Variants in CHM observed in about 807,000 individuals in gnomAD.
CHM encodes the protein rab proteins geranylgeranyltransferase component A 1.
Under a neutral mutation model 49.0 loss-of-function variants are expected in CHM, and 10 were observed. The observed-to-expected ratio is 0.20, with a 90% CI of 0.13 to 0.35. The LOEUF (loss-of-function observed/expected upper bound fraction) is 0.35. CHM is among the 10% of genes least tolerant of loss of function. CHM has a pLI of 1.00. For synonymous variants in CHM, 184 were observed against 167.5 expected (o/e 1.10, Z -0.76); for missense variants, 455 against 478.4 (o/e 0.95, Z 0.46).
intron 11 of CHM, among the ~76,000 whole-genome samples, chrX:85,895,410 T>C (rs1402634882): frequency 9.0e-6 from 1 of 110,830 alleles, no homozygotes; most frequent in Non-Finnish European, 1.9e-5. Flanking sequence ...TCCCAAAGTA[T>C]TGAGATTATA....
At chrX:85,873,255 ATGTT>A (rs1258581902) in intron 13 of CHM, 43 bp from the exon 14 acceptor site, 1 of 945,612 alleles carries the variant, frequency 1.1e-6, no homozygotes, top group Non-Finnish European at 1.5e-6. Context: ...AAAATACAAT[ATGTT>A]TGTCAATTAC....
chrX:85,897,306 CGT>C (rs533191230), intron 11 of CHM, among the ~76,000 whole-genome samples: 6,698 of 76,254 alleles, frequency 0.088, 331 homozygotes, highest in African/African-American at 0.18. Context: ...CTTGTGTGTG[CGT>C]GTGTGTGTGT....
At chrX:85,970,265 A>G (rs1050223394) in intron 4 of CHM, 7 of 751,286 alleles carry the variant, frequency 9.3e-6, no homozygotes, top group African/African-American at 2.3e-5. Context: ...CTCAACAACT[A>G]AAGAATATTG....
rs1928100828 is a variant in CHM, at chrX:85,926,665, A to T, written c.1167-15327T>A. 2.7e-5 allele frequency among the ~76,000 whole-genome samples: 3 copies of T among 111,641 alleles called. No individual in the cohort carries two copies. The Admixed American group carries it at 2.9e-4, about 11-fold the overall frequency. ...TTTCAATGCACAGCAAAAGATCAGG[A>T]AAGATACACCACAAACTGGCAAGAG... On this transcript the variant is annotated intron_variant, in intron 8 of 14. Transcript: ENST00000357749.
intron 8 of CHM, among the ~76,000 whole-genome samples, chrX:85,933,993 T>C (rs1261312976): frequency 9.1e-6 from 1 of 110,359 alleles, no homozygotes; most frequent in African/African-American, 3.3e-5. Flanking sequence ...TTTTTTTTTT[T>C]TCTTTGAGAC....
At chrX:85,979,007 A>C in intron 3 of CHM, 116 bp from the exon 4 acceptor site, 68 of 769,674 alleles carry the variant, frequency 8.8e-5, no homozygotes, top group Non-Finnish European at 1.2e-4. Flanking sequence ...ACCAAAACTC[A>C]AAGGATATCA....
chrX:86,036,142 C>T (rs1934236222), intron 1 of CHM, among the ~76,000 whole-genome samples: 1 of 110,824 alleles, frequency 9.0e-6, no homozygotes, highest in Non-Finnish European at 1.9e-5. Flanking sequence ...ATATAAGTGA[C>T]CACAGCCCGT....
intron 9 of CHM, among the ~76,000 whole-genome samples, chrX:85,906,735 G>A (rs1378532863): frequency 3.6e-5 from 4 of 112,118 alleles, no homozygotes; most frequent in Admixed American, 1.9e-4. Context: ...TTTGCAAGCA[G>A]GCCATGCTAA....
intron 1 of CHM, among the ~76,000 whole-genome samples, chrX:86,029,242 T>C (rs1299009212): frequency 1.8e-5 from 2 of 112,284 alleles, no homozygotes; most frequent in Admixed American, 9.4e-5. Flanking sequence ...AAGTTTTAAA[T>C]AGCTAAATGC....
intron 12 of CHM, among the ~76,000 whole-genome samples, chrX:85,893,094 G>A (rs1036694434): frequency 9.0e-6 from 1 of 111,091 alleles, no homozygotes; most frequent in Non-Finnish European, 1.9e-5. Flanking sequence ...TCATCTTTAC[G>A]TACCATGAAA....
chrX:85,973,651 A>C (rs1016103922), intron 4 of CHM, among the ~76,000 whole-genome samples: 2 of 111,662 alleles, frequency 1.8e-5, no homozygotes, highest in Non-Finnish European at 1.9e-5. Context: ...CAGATTATGG[A>C]TTTGAATTGC....
chrX:85,871,320 A>AAAAAAAAAAAAAAAAAAAG (rs1487188345), intron 14 of CHM, among the ~76,000 whole-genome samples: 2 of 102,995 alleles, frequency 1.9e-5, no homozygotes, highest in African/African-American at 7.6e-5. Flanking sequence ...AAAAAAAAAA[A>AAAAAAAAAAAAAAAAAAAG]AAGAAGAAAT....
At chrX:85,871,663 A>T (rs1461761527) in intron 14 of CHM, among the ~76,000 whole-genome samples, 1 of 111,558 alleles carries the variant, frequency 9.0e-6, no homozygotes, top group African/African-American at 3.3e-5. Context: ...ACTGTATAGC[A>T]TGTTACCTCT....
At chrX:85,958,551 C>G (rs1281145773) in intron 6 of CHM, among the ~76,000 whole-genome samples, 1 of 110,861 alleles carries the variant, frequency 9.0e-6, no homozygotes, top group Non-Finnish European at 1.9e-5. Flanking sequence ...ATCACCGTTT[C>G]TTTCTTTTCC....
intron 8 of CHM, among the ~76,000 whole-genome samples, chrX:85,938,630 C>T (rs1928924830): frequency 9.3e-6 from 1 of 107,788 alleles, no homozygotes; most frequent in Non-Finnish European, 1.9e-5. Context: ...GAACTTCCTT[C>T]CTAGAAAAAT....
At chrX:86,033,804 TA>T (rs1164457792) in intron 1 of CHM, among the ~76,000 whole-genome samples, 2 of 111,826 alleles carry the variant, frequency 1.8e-5, no homozygotes, top group Non-Finnish European at 3.8e-5. Context: ...AATTGACAAT[TA>T]TTTTTATTCA....
At chrX:86,037,274 G>A (rs913340313) in intron 1 of CHM, among the ~76,000 whole-genome samples, 37 of 108,677 alleles carry the variant, frequency 3.4e-4, no homozygotes, top group Middle Eastern at 4.7e-3. Flanking sequence ...CTGCCACTAC[G>A]CCTGGATAAT....
intron 13 of CHM, among the ~76,000 whole-genome samples, chrX:85,873,631 T>A (rs769948060): frequency 9.9e-5 from 11 of 110,737 alleles, no homozygotes; most frequent in Admixed American, 9.7e-4. Flanking sequence ...CTGAAGGAAA[T>A]TGGGGGCAAA....
chrX:85,883,900 C>G (rs865969404), intron 12 of CHM, among the ~76,000 whole-genome samples: 1 of 110,085 alleles, frequency 9.1e-6, no homozygotes, highest in Non-Finnish European at 1.9e-5. Context: ...GCTGTTATTG[C>G]CTGATTAGTA....
Sources: gnomAD v4.1 joint callset for allele counts (sites outside exome capture counted in the v4.1 genomes callset) on GRCh38, gnomAD v4.1.1 for gene constraint, MANE v1.5 for transcripts, NCBI Gene and HGNC (gene_info 2026-07-23, HGNC 2026-07-21) for gene names.